Variants in ZNF248 observed in about 807,000 individuals in gnomAD.
ZNF248 encodes the protein KRAB protein domain.
A neutral mutation model predicts 44.3 loss-of-function variants in ZNF248; 20 were observed. The observed-to-expected ratio is 0.45, with a 90% CI of 0.32 to 0.66. The LOEUF (loss-of-function observed/expected upper bound fraction) is 0.66. ZNF248 is among the 30% of genes least tolerant of loss of function. The pLI, the probability that ZNF248 is intolerant of heterozygous loss-of-function variation, is 0.04. For synonymous variants in ZNF248, 224 were observed against 229.0 expected (o/e 0.98, Z 0.20); for missense variants, 654 against 677.0 (o/e 0.97, Z 0.38).
chr10:37,816,005 A>AAAGAGAG (rs761575236), intron 6 of ZNF248, among the ~76,000 whole-genome samples: 3 of 149,246 alleles, frequency 2.0e-5, no homozygotes, highest in African/African-American at 7.3e-5. Flanking sequence ...AAAAAAAAAA[A>AAAGAGAG]AGAGAGAGAG....
At chr10:37,778,863 C>A (rs1282295354) in intron 6 of ZNF248, among the ~76,000 whole-genome samples, 2 of 152,074 alleles carry the variant, frequency 1.3e-5, no homozygotes, top group Non-Finnish European at 2.9e-5. Context: ...ATACAAACTA[C>A]CATCAGAGAA....
intron 6 of ZNF248, among the ~76,000 whole-genome samples, chr10:37,786,526 A>G (rs1006315246): frequency 2.0e-5 from 3 of 152,220 alleles, no homozygotes; most frequent in African/African-American, 7.2e-5. Flanking sequence ...TTATATGACT[A>G]TATAATGCAA....
rs535566635 is a variant in ZNF248, at chr10:37,793,253, T to C, written c.331-16678A>G. Among the ~76,000 whole-genome samples the C allele has an allele frequency of 3.1e-4, 47 of 152,186 alleles. 1 individual carries two copies. In the South Asian group the frequency reaches 9.6e-3, roughly 31 times the overall value. ...GGGAGGCTGAGGCAGCAGAATTGCT[T>C]GAACCTGGGAAGCGGAGGTTGCAGT... On this transcript the variant is annotated intron_variant, in intron 6 of 6. Coordinates refer to the ZNF248 transcript ENST00000615949.
chr10:37,824,848 A>AT (rs36011714), downstream of ZNF248, among the ~76,000 whole-genome samples: 9,505 of 115,162 alleles, frequency 0.083, 482 homozygotes, highest in Non-Finnish European at 0.11. Flanking sequence ...CACCCAGCTG[A>AT]TTTTTTTTTT....
At chr10:37,826,758 G>A (rs941181618), downstream of ZNF248, among the ~76,000 whole-genome samples, 4 of 152,090 alleles carry the variant, frequency 2.6e-5, no homozygotes, top group South Asian at 2.1e-4. Flanking sequence ...AAAACTCTCC[G>A]GCTATGCCTG....
chr10:37,837,544 G>T, intron 5 of ZNF248, 73 bp downstream of exon 5: 2 of 1,259,200 alleles, frequency 1.6e-6, no homozygotes, highest in Non-Finnish European at 2.3e-6. Flanking sequence ...TATTCCAAAG[G>T]TGACAAATCC....
At chr10:37,758,582 A>ATAAC in the ZNF248 span, among the ~76,000 whole-genome samples, 1 of 152,206 alleles carries the variant, frequency 6.6e-6, no homozygotes, top group African/African-American at 2.4e-5. Flanking sequence ...TATACTCACA[A>ATAAC]TAACACCTAT....
At chr10:37,841,764 A>C (rs1031335491) in intron 3 of ZNF248, among the ~76,000 whole-genome samples, 4 of 152,224 alleles carry the variant, frequency 2.6e-5, no homozygotes, top group African/African-American at 9.6e-5. Flanking sequence ...CCTTGATAGG[A>C]TGTGACTGAA....
At chr10:37,804,847 C>A (rs528168467) in intron 6 of ZNF248, among the ~76,000 whole-genome samples, 5 of 152,278 alleles carry the variant, frequency 3.3e-5, no homozygotes, top group Admixed American at 6.5e-5. Flanking sequence ...AGCACTAAAG[C>A]AATGGAGTTC....
chr10:37,780,713 A>T (rs1000087307), intron 6 of ZNF248, among the ~76,000 whole-genome samples: 1 of 152,062 alleles, frequency 6.6e-6, no homozygotes, highest in South Asian at 2.1e-4. Flanking sequence ...ACGCGCGCGC[A>T]CGTGCCCAAA....
chr10:37,769,527 G>A, the ZNF248 span, among the ~76,000 whole-genome samples: 2 of 152,132 alleles, frequency 1.3e-5, no homozygotes. Flanking sequence ...AAAACCACAT[G>A]ATTATCTCAA....
chr10:37,774,194 C>T (rs1011349599), downstream of ZNF248, among the ~76,000 whole-genome samples: 3 of 152,146 alleles, frequency 2.0e-5, no homozygotes, highest in African/African-American at 4.8e-5. Context: ...AGGAGCATGG[C>T]CCAGATGGCA....
At chr10:37,763,970 C>A in the ZNF248 span, among the ~76,000 whole-genome samples, 1 of 152,114 alleles carries the variant, frequency 6.6e-6, no homozygotes, top group Non-Finnish European at 1.5e-5. Flanking sequence ...ATTGTGTTAA[C>A]TGCACAAATT....
chr10:37,846,139 C>G (rs939309209), intron 3 of ZNF248, among the ~76,000 whole-genome samples: 14 of 152,196 alleles, frequency 9.2e-5, no homozygotes, highest in Non-Finnish European at 1.3e-4. Context: ...ATTCTCCTTG[C>G]CCAATGCCCT....
At chr10:37,807,413 T>C (rs1214825640) in intron 6 of ZNF248, among the ~76,000 whole-genome samples, 1 of 152,158 alleles carries the variant, frequency 6.6e-6, no homozygotes, top group African/African-American at 2.4e-5. Context: ...GGGGGTCCCT[T>C]TGGATTCCAT....
At chr10:37,788,525 G>A (rs2133025335) in intron 6 of ZNF248, among the ~76,000 whole-genome samples, 1 of 152,206 alleles carries the variant, frequency 6.6e-6, no homozygotes, top group South Asian at 2.1e-4. Context: ...GGAGACTGAG[G>A]CAGGAGAATC....
chr10:37,798,947 A>G (rs1351876500), intron 6 of ZNF248, among the ~76,000 whole-genome samples: 1 of 152,144 alleles, frequency 6.6e-6, no homozygotes, highest in Non-Finnish European at 1.5e-5. Flanking sequence ...AGTTTGCTAT[A>G]TAGTATCTAG....
downstream of ZNF248, among the ~76,000 whole-genome samples, chr10:37,828,574 G>A (rs1263453059): frequency 1.3e-5 from 2 of 152,172 alleles, no homozygotes; most frequent in South Asian, 2.1e-4. Flanking sequence ...TGGAGGACAT[G>A]AAGACACAGT....
chr10:37,761,258 T>C, the ZNF248 span, among the ~76,000 whole-genome samples: 10 of 152,294 alleles, frequency 6.6e-5, no homozygotes, highest in South Asian at 2.1e-3. Flanking sequence ...GTGAAATCTC[T>C]GGAATATCTG....
Sources: allele counts gnomAD v4.1 joint callset (sites outside exome capture counted in the v4.1 genomes callset), GRCh38; gene constraint gnomAD v4.1.1; transcripts MANE v1.5; gene names NCBI Gene and HGNC (gene_info 2026-07-23, HGNC 2026-07-21).